Variants in USP28 observed in about 807,000 individuals in gnomAD.
USP28 encodes ubiquitin specific peptidase 28, also known as ubiquitin carboxyl-terminal hydrolase 28.
USP28 carries 113 observed loss-of-function variants against 145.0 expected under a neutral mutation model. The observed-to-expected ratio is 0.78, with a 90% CI of 0.67 to 0.91. USP28 has a LOEUF of 0.91. Ranked by LOEUF, USP28 falls within the 40% of genes least tolerant of loss-of-function variation. USP28 has a pLI of 0.00. For synonymous variants in USP28, 447 were observed against 450.9 expected, an observed-to-expected ratio of 0.99 and a Z score of 0.11; for missense variants, 1,201 against 1,289.6, an observed-to-expected ratio of 0.93 and a Z score of 1.05.
chr11:113,867,791 G>C (rs1222218732), intron 1 of USP28, among the ~76,000 whole-genome samples: 1 of 111,540 alleles, frequency 9.0e-6, no homozygotes, highest in African/African-American at 3.5e-5. Flanking sequence ...CACACAAAAG[G>C]AAAGAAGGAA....
intron 1 of USP28, among the ~76,000 whole-genome samples, chr11:113,870,544 T>C (rs959353381): frequency 6.6e-6 from 1 of 152,222 alleles, no homozygotes; most frequent in African/African-American, 2.4e-5. Flanking sequence ...AGTAGGCTGC[T>C]GAGCAGATTC....
At chr11:113,832,361 C>T (rs142317727) in intron 7 of USP28, among the ~76,000 whole-genome samples, 10 of 152,240 alleles carry the variant, frequency 6.6e-5, no homozygotes, top group Non-Finnish European at 1.5e-4. Flanking sequence ...CCACCTGCCT[C>T]GGCGTCGCAA....
chr11:113,823,664 CTT>C lies in USP28; in HGVS notation c.1222_1223del (p.Lys408GlufsTer42). ...CCTTCAACTTTCGAATACACTCTCT[CTT>C]ATTTCGAATAAGCTCCTTGCTCCTG... On this transcript the variant is annotated frameshift_variant, in exon 12 of 25. Coordinates refer to ENST00000003302, the Ensembl canonical transcript of USP28. LOFTEE classifies it high-confidence loss of function. 6.2e-7 allele frequency: 1 copy of C among 1,612,242 alleles called. No individual in the cohort carries two copies. The highest frequency in any genetic ancestry group is 8.5e-7 in the Non-Finnish European group (1 of 1,179,468).
chr11:113,808,120 G>A (rs1214125306), intron 18 of USP28: 3 of 1,503,928 alleles, frequency 2.0e-6, no homozygotes, highest in African/African-American at 2.8e-5. Flanking sequence ...GGGCTTCTTG[G>A]GTTCAGCTTC....
At chr11:113,858,715 T>C (rs1432092002) in intron 1 of USP28, among the ~76,000 whole-genome samples, 1 of 152,220 alleles carries the variant, frequency 6.6e-6, no homozygotes, top group African/African-American at 2.4e-5. Flanking sequence ...GTTCAAGCGA[T>C]TCTCCTGCCT....
intron 5 of USP28, among the ~76,000 whole-genome samples, chr11:113,839,570 T>G (rs1944959022): frequency 6.6e-6 from 1 of 151,740 alleles, no homozygotes; most frequent in South Asian, 2.1e-4. Flanking sequence ...AATAACTAAA[T>G]AAATAATAAA....
Position 113,854,352 on chromosome 11 carries a change from A to G in USP28, c.58-17T>C, listed in dbSNP as rs368224910. On this transcript the variant is annotated splice_polypyrimidine_tract_variant and intron_variant, in intron 1 of 24. Coordinates refer to ENST00000003302, the Ensembl canonical transcript of USP28. ...TTGGCAGCTCTATATTTGCAAAACA[A>G]AAAAACCACAAACATGTCAGTCAGA... is the stretch of plus-strand genomic sequence containing the variant. The G allele has an allele frequency of 2.4e-4, 392 of 1,607,466 alleles. No homozygotes were observed. Among genetic ancestry groups the G allele is most frequent in the Non-Finnish European group, 2.1e-4 (242 of 1,175,642 alleles).
chr11:113,858,729 C>T lies in USP28; in HGVS notation c.58-4394G>A, dbSNP rs150236937. 9.6e-4 allele frequency among the ~76,000 whole-genome samples: 147 copies of T among 152,346 alleles called. 3 individuals are homozygous for T. In the East Asian group the frequency reaches 0.018, roughly 19 times the overall value. ...GGTTCAAGCGATTCTCCTGCCTCAG[C>T]CACCTGAGCAGCTGGGATTATAGGC... On this transcript the variant is annotated intron_variant, in intron 1 of 24. Coordinates refer to ENST00000003302, the Ensembl canonical transcript of USP28.
chr11:113,862,023 G>A (rs181307665), intron 1 of USP28, among the ~76,000 whole-genome samples: 1 of 152,302 alleles, frequency 6.6e-6, no homozygotes, highest in Admixed American at 6.5e-5. Flanking sequence ...TTACTAGCTG[G>A]GTCTTCGTGT....
At chr11:113,843,691 C>CA (rs1945480757) in intron 3 of USP28, among the ~76,000 whole-genome samples, 7 of 137,770 alleles carry the variant, frequency 5.1e-5, no homozygotes, top group Non-Finnish European at 1.6e-5. Context: ...AAAAAAAAAA[C>CA]TAAAAAAAAA....
intron 5 of USP28, among the ~76,000 whole-genome samples, chr11:113,838,220 G>A (rs911379352): frequency 6.6e-6 from 1 of 152,130 alleles, no homozygotes; most frequent in Admixed American, 6.5e-5. Context: ...GTGGGGGGGC[G>A]GTGGTTGTGA....
At chr11:113,867,809 G>GAA in intron 1 of USP28, among the ~76,000 whole-genome samples, 2 of 132,492 alleles carry the variant, frequency 1.5e-5, no homozygotes, top group African/African-American at 5.7e-5. Context: ...GAAGGGGGGA[G>GAA]GGAGGGAGGG....
intron 1 of USP28, 81 bp from the exon 2 acceptor site, chr11:113,854,416 T>A: frequency 7.2e-7 from 1 of 1,391,202 alleles, no homozygotes; most frequent in South Asian, 1.2e-5. Flanking sequence ...ACTAAAAGCA[T>A]CTTGGATAAA....
At chr11:113,826,057 G>C (rs1943250288) in intron 11 of USP28, among the ~76,000 whole-genome samples, 1 of 151,992 alleles carries the variant, frequency 6.6e-6, no homozygotes, top group African/African-American at 2.4e-5. Flanking sequence ...GGCAGAGACG[G>C]GCAGATCACA....
At chr11:113,842,849 T>C (rs1945356877) in intron 3 of USP28, among the ~76,000 whole-genome samples, 1 of 150,462 alleles carries the variant, frequency 6.6e-6, no homozygotes, top group South Asian at 2.1e-4. Flanking sequence ...CGGAGAAACG[T>C]TAAGTATATT....
intron 1 of USP28, chr11:113,874,436 A>AC: frequency 9.2e-7 from 1 of 1,089,322 alleles, no homozygotes; most frequent in African/African-American, 1.7e-5. Flanking sequence ...AAAAAAAAAA[A>AC]AAAAAAAAAA....
At chr11:113,869,893 G>T (rs1948649727) in intron 1 of USP28, among the ~76,000 whole-genome samples, 1 of 151,990 alleles carries the variant, frequency 6.6e-6, no homozygotes, top group South Asian at 2.1e-4. Flanking sequence ...TTGGAGCCAG[G>T]TGTTCACGCC....
chr11:113,816,254 C>T (rs752793476), intron 13 of USP28, among the ~76,000 whole-genome samples: 13 of 152,122 alleles, frequency 8.5e-5, no homozygotes, highest in Non-Finnish European at 1.8e-4. Flanking sequence ...CGGTGGCTCA[C>T]GCCTGTAATC....
chr11:113,852,656 A>C, intron 2 of USP28, 23 bp from the exon 3 acceptor site: 1 of 1,610,850 alleles, frequency 6.2e-7, no homozygotes, highest in Non-Finnish European at 8.5e-7. Flanking sequence ...AAGACAATAG[A>C]AATTTCAAAA....
Sources: allele counts gnomAD v4.1 joint callset (sites outside exome capture counted in the v4.1 genomes callset), GRCh38; gene constraint gnomAD v4.1.1; transcripts MANE v1.5; gene names NCBI Gene and HGNC (gene_info 2026-07-23, HGNC 2026-07-21).